RICTOR: variants seen among roughly 807,000 people sequenced by gnomAD.
The protein encoded by RICTOR is rapamycin-insensitive companion of mTOR.
RICTOR carries 49 observed loss-of-function variants against 214.9 expected under a neutral mutation model. The observed-to-expected ratio is 0.23, with a 90% CI of 0.18 to 0.29. The LOEUF (loss-of-function observed/expected upper bound fraction) is 0.29, where lower values mean the gene tolerates loss of function less well. Among genes scored for constraint, RICTOR ranks in the 10% least tolerant of loss-of-function variants. The probability of loss-of-function intolerance (pLI) is 1.00; values close to 1 mark genes in which losing one functional copy is unlikely to be tolerated. For synonymous variants in RICTOR, 717 were observed against 711.3 expected, an observed-to-expected ratio of 1.01 and a Z score of -0.13; for missense variants, 1,625 against 2,047.0, an observed-to-expected ratio of 0.79 and a Z score of 3.98.
chr5:39,012,117 G>A (rs183194551), intron 3 of RICTOR, among the ~76,000 whole-genome samples: 4 of 152,326 alleles, frequency 2.6e-5, no homozygotes, highest in Admixed American at 2.6e-4. Context: ...AATCATGGGG[G>A]TGATTTCCTC....
At position 38,958,329 on chromosome 5, in the gene RICTOR, T is replaced by C. The variant is rs543232028; in HGVS notation, c.2420+114A>G. 1.5e-4 allele frequency: 103 copies of C among 682,792 alleles called. No individual in the cohort carries two copies. In the African/African-American group the frequency reaches 1.6e-3, roughly 11 times the overall value. The allele number at this position is 682,792 out of a possible 1,614,324, so 42.3% of individuals were successfully genotyped here. A position where few individuals can be genotyped will look rare whatever the true frequency, so the allele number is the denominator to read the frequency against. ...AAATAATGAAAAGACAATGTTTCAA[T>C]ATTAAAAGGTAAACTCTTCAGCGTA... On this transcript the variant is annotated intron_variant, in intron 24 of 37. Transcript: ENST00000357387.
intron 6 of RICTOR, among the ~76,000 whole-genome samples, chr5:38,991,959 T>C (rs1034682407): frequency 6.6e-6 from 1 of 152,088 alleles, no homozygotes; most frequent in African/African-American, 2.4e-5. Context: ...ATTACTAGAT[T>C]TATTGTCCTG....
rs1194258417 is a variant in RICTOR, at chr5:38,940,540, G to A, written c.*1764C>T. 1 of 232,436 alleles carries A rather than the reference G, an allele frequency of 4.3e-6. No homozygotes were observed. The highest frequency in any genetic ancestry group is 8.5e-6 in the Non-Finnish European group (1 of 117,434). The allele number at this position is 232,436 out of a possible 1,614,324, so 14.4% of individuals were successfully genotyped here. A position where few individuals can be genotyped will look rare whatever the true frequency, so the allele number is the denominator to read the frequency against. On this transcript the variant is annotated 3_prime_UTR_variant, in exon 38 of 38. Coordinates refer to ENST00000357387, the MANE Select transcript of RICTOR (RefSeq NM_152756.5). The stretch of plus-strand genomic sequence containing the variant: ...ACATTTAAATAAACACTTGGGTTCA[G>A]TGATAAAGTATAAAAAAATTATTTA...
chr5:38,965,030 C>A, intron 15 of RICTOR, 138 bp from the exon 16 acceptor site: 2 of 506,626 alleles, frequency 3.9e-6, no homozygotes, highest in Non-Finnish European at 7.0e-6. Flanking sequence ...CTTATTTTCC[C>A]CAATACATGC....
chr5:38,964,657 T>C, intron 16 of RICTOR, 135 bp downstream of exon 16: 1 of 457,920 alleles, frequency 2.2e-6, no homozygotes. Flanking sequence ...ACTATTAATT[T>C]TTCCTTTAGC....
intron 7 of RICTOR, among the ~76,000 whole-genome samples, chr5:38,985,247 T>C (rs1752074489): frequency 6.6e-6 from 1 of 152,204 alleles, no homozygotes; most frequent in African/African-American, 2.4e-5. Context: ...TGGCATAGTA[T>C]TTACATATAA....
chr5:38,990,646 C>A lies in RICTOR; in HGVS notation c.583+303G>T, dbSNP rs1342137830. Reference sequence around the variant, plus strand: ...TATGATATATATATCTGACATATATCAGATATATGATATATATCAGATATA... The same window carrying A: ...TATGATATATATATCTGACATATATAAGATATATGATATATATCAGATATA... On this transcript the variant is annotated intron_variant, in intron 7 of 37. Transcript: ENST00000357387. Among the ~76,000 whole-genome samples the A allele has an allele frequency of 2.4e-5, 2 of 84,100 alleles. 1 individual carries two copies. Among genetic ancestry groups the A allele is most frequent in the Non-Finnish European group, 4.7e-5 (2 of 42,384 alleles). The allele number at this position is 84,100 out of a possible 152,430, so 55.2% of individuals were successfully genotyped here.
At chr5:38,962,774 C>T (rs1455833570) in intron 17 of RICTOR, 102 bp downstream of exon 17, 8 of 990,532 alleles carry the variant, frequency 8.1e-6, no homozygotes, top group Middle Eastern at 3.2e-4. Flanking sequence ...AATTCATATG[C>T]ATGAAGAGAA....
intron 3 of RICTOR, among the ~76,000 whole-genome samples, chr5:39,004,926 C>T (rs967030364): frequency 2.0e-5 from 3 of 150,884 alleles, no homozygotes; most frequent in African/African-American, 7.3e-5. Context: ...GGATTACAGG[C>T]ATGTGCCACC....
chr5:38,957,163 A>G (rs925649307), intron 25 of RICTOR, among the ~76,000 whole-genome samples: 3 of 152,146 alleles, frequency 2.0e-5, no homozygotes, highest in African/African-American at 7.2e-5. Context: ...CTCCCTTCTT[A>G]GCAGGTTTCC....
chr5:39,032,387 C>T (rs1489116803), intron 2 of RICTOR, among the ~76,000 whole-genome samples: 1 of 152,114 alleles, frequency 6.6e-6, no homozygotes. Flanking sequence ...AAAAACCTGT[C>T]AATCAATTAC....
chr5:38,966,741 A>G lies in RICTOR; in HGVS notation c.1219-20T>C. The G allele has an allele frequency of 1.6e-6, 2 of 1,290,058 alleles. No individual in the cohort carries two copies. Among genetic ancestry groups the G allele is most frequent in the Non-Finnish European group, 2.2e-6 (2 of 904,594 alleles). The allele number at this position is 1,290,058 out of a possible 1,614,324, so 79.9% of individuals were successfully genotyped here. A position where few individuals can be genotyped will look rare whatever the true frequency, so the allele number is the denominator to read the frequency against. On this transcript the variant is annotated intron_variant, in intron 14 of 37. Transcript: ENST00000357387. ...TAGACCCTTTGAAAATAAAAAGATA[A>G]CACCACTGTTGCAAAATAATACATA... is the stretch of plus-strand genomic sequence containing the variant.
intron 19 of RICTOR, among the ~76,000 whole-genome samples, chr5:38,960,746 T>G (rs1258733568): frequency 7.3e-5 from 1 of 13,680 alleles, no homozygotes; most frequent in Non-Finnish European, 3.6e-4. Context: ...GTTCCCATAA[T>G]CCCCACATGT....
intron 2 of RICTOR, among the ~76,000 whole-genome samples, chr5:39,068,220 G>A (rs914702359): frequency 1.6e-4 from 24 of 152,290 alleles, no homozygotes; most frequent in South Asian, 6.2e-4. Context: ...AAATACCTAC[G>A]CAAGGTCAAG....
At chr5:38,993,245 A>AG (rs1287025002) in intron 6 of RICTOR, among the ~76,000 whole-genome samples, 1 of 152,214 alleles carries the variant, frequency 6.6e-6, no homozygotes, top group African/African-American at 2.4e-5. Context: ...ATGAGATACC[A>AG]GCCAATGAAT....
chr5:38,954,925 G>A (rs982005939), intron 26 of RICTOR, 64 bp from the exon 27 acceptor site: 69 of 740,472 alleles, frequency 9.3e-5, no homozygotes, highest in Non-Finnish European at 1.5e-4. Flanking sequence ...TAGAACAAAA[G>A]AATTTTAATA....
At chr5:39,010,289 G>GT (rs1754403760) in intron 3 of RICTOR, among the ~76,000 whole-genome samples, 1 of 152,170 alleles carries the variant, frequency 6.6e-6, no homozygotes, top group Admixed American at 6.5e-5. Context: ...CGCCATGATT[G>GT]TAAGTTCCCT....
rs1157037606 is a variant in RICTOR at position 38,975,613 on chromosome 5, G to T, written c.822-9C>A. ...GTGCTTCTCTGTCTTCTCTGTTGGG[G>T]GTGGGGAGGCAGCGGGGAGAATCAA... On this transcript the variant is annotated splice_polypyrimidine_tract_variant and intron_variant, in intron 9 of 37. Transcript: ENST00000357387. The T allele has an allele frequency of 1.2e-6, 2 of 1,611,446 alleles. No homozygotes were observed. Among genetic ancestry groups the T allele is most frequent in the African/African-American group, 1.3e-5 (1 of 74,854 alleles).
intron 31 of RICTOR, among the ~76,000 whole-genome samples, 173 bp from the exon 32 acceptor site, chr5:38,947,614 A>G (rs1268292499): frequency 6.6e-6 from 1 of 152,178 alleles, no homozygotes; most frequent in Non-Finnish European, 1.5e-5. Context: ...TAGCTGTTAT[A>G]GACCGCTATG....
Sources: gnomAD v4.1 joint callset for allele counts (sites outside exome capture counted in the v4.1 genomes callset) on GRCh38, gnomAD v4.1.1 for gene constraint, MANE v1.5 for transcripts, NCBI Gene and HGNC (gene_info 2026-07-23, HGNC 2026-07-21) for gene names.